TMEM117: variants seen among roughly 807,000 people sequenced by gnomAD.
The protein encoded by TMEM117 is transmembrane protein 117.
Under a neutral mutation model 52.4 loss-of-function variants are expected in TMEM117, and 27 were observed. The observed-to-expected ratio is 0.51, with a 90% CI of 0.38 to 0.71. TMEM117 has a LOEUF of 0.71. Ranked by LOEUF, TMEM117 falls within the 30% of genes least tolerant of loss-of-function variation. The pLI, the probability that TMEM117 is intolerant of heterozygous loss-of-function variation, is 0.00. For synonymous variants in TMEM117, 215 were observed against 206.3 expected (o/e 1.04, Z -0.36); for missense variants, 556 against 630.5 (o/e 0.88, Z 1.26).
At chr12:44,111,049 G>A (rs1948046947) in intron 3 of TMEM117, among the ~76,000 whole-genome samples, 1 of 7,312 alleles carries the variant, frequency 1.4e-4, no homozygotes. Context: ...GATCGGTGGT[G>A]ATATCCCCTT....
chr12:44,019,403 A>G (rs576868165), intron 3 of TMEM117, among the ~76,000 whole-genome samples: 20 of 152,204 alleles, frequency 1.3e-4, no homozygotes, highest in African/African-American at 4.8e-4. Flanking sequence ...AGAGGGAGAA[A>G]CAGAGGCTTC....
At chr12:43,843,904 A>C (rs1943156107) in intron 1 of TMEM117, among the ~76,000 whole-genome samples, 3 of 152,254 alleles carry the variant, frequency 2.0e-5, no homozygotes, top group Admixed American at 6.5e-5. Context: ...TGTTTAGAAG[A>C]AGATCTGAAA....
chr12:44,219,688 C>T (rs1949763292), intron 5 of TMEM117, among the ~76,000 whole-genome samples: 1 of 151,964 alleles, frequency 6.6e-6, no homozygotes, highest in African/African-American at 2.4e-5. Flanking sequence ...ATATTAAGCA[C>T]AACAAAAGCC....
chr12:43,981,374 CTT>C (rs1945757352), intron 3 of TMEM117, among the ~76,000 whole-genome samples: 1 of 152,148 alleles, frequency 6.6e-6, no homozygotes, highest in Non-Finnish European at 1.5e-5. Context: ...TGGGAGTAGA[CTT>C]AATCTGTATA....
chr12:44,378,107 G>C (rs369570919), intron 7 of TMEM117, among the ~76,000 whole-genome samples: 17 of 152,034 alleles, frequency 1.1e-4, no homozygotes, highest in East Asian at 1.9e-4. Context: ...TATCCCTTTG[G>C]GGGGGGCTTT....
chr12:44,189,841 G>C (rs778746488), intron 4 of TMEM117, among the ~76,000 whole-genome samples: 10 of 152,168 alleles, frequency 6.6e-5, no homozygotes, highest in Non-Finnish European at 1.5e-4. Context: ...CATAGTTTAA[G>C]TCATTTCTTC....
intron 5 of TMEM117, among the ~76,000 whole-genome samples, chr12:44,288,629 A>G (rs577589904): frequency 2.0e-5 from 3 of 152,318 alleles, no homozygotes; most frequent in African/African-American, 7.2e-5. Flanking sequence ...TTACCGAAGT[A>G]CTTATCAAAT....
intron 5 of TMEM117, among the ~76,000 whole-genome samples, chr12:44,236,614 T>A (rs1441683828): frequency 6.6e-6 from 1 of 152,162 alleles, no homozygotes; most frequent in Non-Finnish European, 1.5e-5. Context: ...AGTGAATGTT[T>A]CTATTGGTTC....
intron 4 of TMEM117, among the ~76,000 whole-genome samples, chr12:44,208,446 A>G (rs1204166746): frequency 6.6e-6 from 1 of 152,132 alleles, no homozygotes; most frequent in East Asian, 1.9e-4. Flanking sequence ...GGTTTTGTGT[A>G]TTTATGCTAC....
intron 3 of TMEM117, among the ~76,000 whole-genome samples, chr12:43,952,224 G>A (rs1175662588): frequency 6.6e-6 from 1 of 152,126 alleles, no homozygotes; most frequent in Non-Finnish European, 1.5e-5. Flanking sequence ...AAGCCGGAAT[G>A]CCTCTTTTCC....
the TMEM117 span, chr12:43,806,158 C>CCTCCCAGCT: frequency 6.5e-7 from 1 of 1,534,324 alleles, no homozygotes; most frequent in Non-Finnish European, 8.7e-7. Context: ...GTCCTGCAGC[C>CCTCCCAGCT]CTCCCGGCTC....
chr12:44,054,924 G>A, intron 3 of TMEM117, among the ~76,000 whole-genome samples: 1 of 151,828 alleles, frequency 6.6e-6, no homozygotes, highest in Non-Finnish European at 1.5e-5. Flanking sequence ...CCGGTGTATA[G>A]ACTGGTCTTA....
intron 2 of TMEM117, among the ~76,000 whole-genome samples, chr12:43,892,973 G>A (rs1045696983): frequency 1.3e-5 from 2 of 152,198 alleles, no homozygotes; most frequent in Non-Finnish European, 2.9e-5. Flanking sequence ...AGAAGGAATA[G>A]CAAGTGAAAA....
At chr12:43,869,737 T>G (rs1001651810) in intron 2 of TMEM117, among the ~76,000 whole-genome samples, 1 of 152,216 alleles carries the variant, frequency 6.6e-6, no homozygotes, top group African/African-American at 2.4e-5. Context: ...ATCTCTACAT[T>G]TTTTTTAAAA....
chr12:44,228,911 A>G (rs1330966243), intron 5 of TMEM117, among the ~76,000 whole-genome samples: 1 of 152,124 alleles, frequency 6.6e-6, no homozygotes, highest in Non-Finnish European at 1.5e-5. Flanking sequence ...GCAACTTTAT[A>G]AAATGATTGC....
intron 6 of TMEM117, among the ~76,000 whole-genome samples, chr12:44,355,418 A>G (rs1198986168): frequency 6.6e-6 from 1 of 152,092 alleles, no homozygotes; most frequent in Non-Finnish European, 1.5e-5. Context: ...ACAGCATAAC[A>G]TATGATCACT....
intron 6 of TMEM117, among the ~76,000 whole-genome samples, chr12:44,370,264 CT>C (rs1951844472): frequency 6.6e-6 from 1 of 152,158 alleles, no homozygotes. Flanking sequence ...ATGACTTCCA[CT>C]CTCTCTAATT....
chr12:43,943,005 C>T (rs1259433132), intron 2 of TMEM117, among the ~76,000 whole-genome samples: 5 of 151,470 alleles, frequency 3.3e-5, no homozygotes, highest in East Asian at 3.9e-4. Context: ...GGTGAAACCC[C>T]GCCTCTACTA....
At chr12:43,819,073 A>G in the TMEM117 span, among the ~76,000 whole-genome samples, 2 of 152,300 alleles carry the variant, frequency 1.3e-5, no homozygotes, top group African/African-American at 4.8e-5. Context: ...GGGAGAGGCA[A>G]CATTACCCCA....
Sources: allele counts gnomAD v4.1 joint callset (sites outside exome capture counted in the v4.1 genomes callset), GRCh38; gene constraint gnomAD v4.1.1; transcripts MANE v1.5; gene names NCBI Gene and HGNC (gene_info 2026-07-23, HGNC 2026-07-21).